The following KIZ variants were observed in gnomAD, a reference collection of about 807,000 sequenced individuals.
KIZ encodes kizuna centrosomal protein.
In KIZ, 68 loss-of-function variants were observed where a neutral mutation model predicts 79.6. That is an observed-to-expected ratio of 0.85 (90% CI 0.70 to 1.05). KIZ has a LOEUF of 1.05. Among genes scored for constraint, KIZ ranks in the 50% least tolerant of loss-of-function variants. KIZ has a pLI of 0.00. For missense variants in KIZ, 797 were observed against 800.4 expected (o/e 1.00, Z 0.05); for synonymous variants, 280 against 281.8 (o/e 0.99, Z 0.06).
intron 6 of KIZ, among the ~76,000 whole-genome samples, chr20:21,191,545 T>A (rs1451828800): frequency 6.6e-6 from 1 of 152,258 alleles, no homozygotes; most frequent in Non-Finnish European, 1.5e-5. Flanking sequence ...CAACCACAAC[T>A]AAATTATTTT....
At chr20:21,130,653 A>G (rs560148203) in intron 1 of KIZ, among the ~76,000 whole-genome samples, 2 of 151,814 alleles carry the variant, frequency 1.3e-5, no homozygotes, top group South Asian at 4.1e-4. Flanking sequence ...TCTTTTTAAC[A>G]TAGGCATACT....
intron 6 of KIZ, among the ~76,000 whole-genome samples, chr20:21,182,263 G>A (rs984596206): frequency 2.0e-5 from 3 of 152,158 alleles, no homozygotes; most frequent in Non-Finnish European, 4.4e-5. Flanking sequence ...TGAGGACACA[G>A]TGAGGAGTCA....
chr20:21,164,089 C>T (rs2033820775), intron 6 of KIZ, among the ~76,000 whole-genome samples: 1 of 152,168 alleles, frequency 6.6e-6, no homozygotes, highest in Non-Finnish European at 1.5e-5. Flanking sequence ...ACTGCCCCAC[C>T]CCCAGAATTT....
intron 4 of KIZ, chr20:21,150,726 A>G (rs368524529): frequency 2.6e-5 from 4 of 152,176 alleles, no homozygotes; most frequent in African/African-American, 9.7e-5. Flanking sequence ...AGGGTAGAAC[A>G]TGCTCTTCTC....
intron 7 of KIZ, among the ~76,000 whole-genome samples, chr20:21,207,444 T>C (rs1249101777): frequency 3.3e-5 from 4 of 119,684 alleles, no homozygotes; most frequent in Non-Finnish European, 6.8e-5. Context: ...CTCCTCATCT[T>C]CCTCCTTTCC....
chr20:21,168,909 T>A (rs1315542880), intron 6 of KIZ, among the ~76,000 whole-genome samples: 1 of 152,160 alleles, frequency 6.6e-6, no homozygotes, highest in Non-Finnish European at 1.5e-5. Context: ...GATGCCTTCC[T>A]TACACCTTAT....
At chr20:21,155,652 T>C (rs1447449728) in intron 4 of KIZ, among the ~76,000 whole-genome samples, 1 of 152,188 alleles carries the variant, frequency 6.6e-6, no homozygotes, top group African/African-American at 2.4e-5. Context: ...ACCCACTGAA[T>C]TGTATGCTTT....
chr20:21,217,965 C>G (rs977193985), intron 9 of KIZ, among the ~76,000 whole-genome samples: 11 of 152,144 alleles, frequency 7.2e-5, no homozygotes, highest in Non-Finnish European at 1.3e-4. Flanking sequence ...CACTTTCAGT[C>G]TGTTCTGGTG....
intron 10 of KIZ, 62 bp downstream of exon 10, chr20:21,229,177 GA>G: frequency 1.1e-6 from 1 of 925,004 alleles, no homozygotes; most frequent in South Asian, 1.4e-5. Flanking sequence ...TGTGTTCGGG[GA>G]AGGGTGGTTA....
In KIZ at chr20:21,205,509, C is replaced by T. The variant is rs754107591; in HGVS notation, c.1371C>T (p.Asp457=). ...APTREPGQTP[D]SDVPRAQVGQ... ...TTTATAGACCTGGACAAACACCAGA[C>T]TCAGACGTACCGAGGGCACAGGTGG... Residue 457 remains aspartate (D), a synonymous_variant, in exon 7 of 13, where the codon GAC becomes GAT. Coordinates refer to ENST00000619189, the MANE Select transcript of KIZ (RefSeq NM_018474.6). The T allele has an allele frequency of 4.6e-6, 7 of 1,527,736 alleles. No individual in the cohort carries two copies. The highest frequency in any genetic ancestry group is 6.3e-6 in the Non-Finnish European group (7 of 1,112,868). The allele number at this position is 1,527,736 out of a possible 1,614,324, so 94.6% of individuals were successfully genotyped here.
chr20:21,239,761 C>T (rs2037153640), intron 11 of KIZ, among the ~76,000 whole-genome samples: 1 of 152,202 alleles, frequency 6.6e-6, no homozygotes, highest in South Asian at 2.1e-4. Flanking sequence ...ATAGAGTGTT[C>T]ACTGTGTGCC....
At chr20:21,208,820 T>C (rs900855859) in intron 7 of KIZ, among the ~76,000 whole-genome samples, 5 of 152,116 alleles carry the variant, frequency 3.3e-5, no homozygotes, top group Admixed American at 2.0e-4. Context: ...CCTTGTGAAC[T>C]GAAGGACAAA....
At chr20:21,152,576 A>G (rs902884303) in intron 4 of KIZ, among the ~76,000 whole-genome samples, 5 of 152,200 alleles carry the variant, frequency 3.3e-5, no homozygotes, top group East Asian at 3.8e-4. Context: ...ATTGAATTGT[A>G]TTATAAAAAG....
At chr20:21,142,754 G>A (rs2032630628) in intron 3 of KIZ, among the ~76,000 whole-genome samples, 1 of 151,782 alleles carries the variant, frequency 6.6e-6, no homozygotes, top group Non-Finnish European at 1.5e-5. Flanking sequence ...TCATGCCACT[G>A]CACTCCAGCC....
At chr20:21,187,016 C>T (rs910367275) in intron 6 of KIZ, among the ~76,000 whole-genome samples, 1 of 152,062 alleles carries the variant, frequency 6.6e-6, no homozygotes, top group Non-Finnish European at 1.5e-5. Flanking sequence ...GTCCGAAATG[C>T]TCCAAAATCT....
chr20:21,244,209 C>T, intron 11 of KIZ, 36 bp from the exon 12 acceptor site: 1 of 1,499,420 alleles, frequency 6.7e-7, no homozygotes, highest in South Asian at 1.1e-5. Flanking sequence ...ATTGTCTTTT[C>T]TTTTTCAGAA....
intron 6 of KIZ, among the ~76,000 whole-genome samples, chr20:21,173,130 A>T (rs1028329688): frequency 9.2e-5 from 14 of 152,224 alleles, no homozygotes; most frequent in African/African-American, 3.4e-4. Context: ...CTGGCCACTT[A>T]TGGAAAATCA....
At chr20:21,191,605 A>G (rs571774555) in intron 6 of KIZ, among the ~76,000 whole-genome samples, 1 of 152,356 alleles carries the variant, frequency 6.6e-6, no homozygotes, top group East Asian at 1.9e-4. Flanking sequence ...ATGCTCATTG[A>G]TCCTCACAGA....
chr20:21,188,174 G>A (rs112890394), intron 6 of KIZ, among the ~76,000 whole-genome samples: 2,215 of 152,258 alleles, frequency 0.015, 49 homozygotes, highest in African/African-American at 0.05. Context: ...AGAGTTGGCC[G>A]TAAAGAAATT....
Sources: gnomAD v4.1 joint callset for allele counts (sites outside exome capture counted in the v4.1 genomes callset) on GRCh38, gnomAD v4.1.1 for gene constraint, MANE v1.5 for transcripts, NCBI Gene and HGNC (gene_info 2026-07-23, HGNC 2026-07-21) for gene names.